Variants in PAK1IP1 observed in about 807,000 individuals in gnomAD.
PAK1IP1 encodes PAK1 interacting protein 1.
Under a neutral mutation model 42.0 loss-of-function variants are expected in PAK1IP1, and 24 were observed. The observed-to-expected ratio is 0.57, with a 90% CI of 0.41 to 0.80. The LOEUF (loss-of-function observed/expected upper bound fraction) is 0.80, where lower values mean the gene tolerates loss of function less well. Among genes scored for constraint, PAK1IP1 ranks in the 30% least tolerant of loss-of-function variants. The pLI is 0.00. For missense variants in PAK1IP1, 411 were observed against 467.9 expected (o/e 0.88, Z 1.12); for synonymous variants, 154 against 156.7 (o/e 0.98, Z 0.13).
At chr6:10,698,653 C>G (rs1035252815) in intron 2 of PAK1IP1, among the ~76,000 whole-genome samples, 1 of 152,146 alleles carries the variant, frequency 6.6e-6, no homozygotes, top group Non-Finnish European at 1.5e-5. Context: ...GAGGAAAGTA[C>G]TGCCAGTTTG....
chr6:10,694,591 A>T, upstream of PAK1IP1: 1 of 180,120 alleles, frequency 5.6e-6, no homozygotes, highest in Non-Finnish European at 1.2e-5. Flanking sequence ...CCGGCGCTAC[A>T]GCCCCTAAGC....
At chr6:10,703,649 T>A (rs1375738589) in intron 5 of PAK1IP1, among the ~76,000 whole-genome samples, 192 bp downstream of exon 5, 1 of 152,202 alleles carries the variant, frequency 6.6e-6, no homozygotes, top group African/African-American at 2.4e-5. Flanking sequence ...AAAATTACCT[T>A]CCGGCTAGGT....
chr6:10,702,328 TA>T, intron 2 of PAK1IP1, 40 bp from the exon 3 acceptor site: 1 of 1,555,162 alleles, frequency 6.4e-7, no homozygotes. Flanking sequence ...AGTTTGCATT[TA>T]AAATGAATAT....
intron 5 of PAK1IP1, among the ~76,000 whole-genome samples, chr6:10,704,017 A>T (rs993815292): frequency 4.0e-5 from 6 of 151,262 alleles, no homozygotes; most frequent in African/African-American, 1.5e-4. Context: ...TTTATTTTAT[A>T]TTTTTTATTT....
chr6:10,692,719 G>A (rs1769446799), upstream of PAK1IP1, among the ~76,000 whole-genome samples: 3 of 152,216 alleles, frequency 2.0e-5, no homozygotes, highest in South Asian at 6.2e-4. Flanking sequence ...ACTGCGTCTG[G>A]CCATTTTATT....
intron 2 of PAK1IP1, 106 bp from the exon 3 acceptor site, chr6:10,702,263 A>G (rs1185983776): frequency 1.1e-6 from 1 of 902,178 alleles, no homozygotes; most frequent in Non-Finnish European, 1.7e-6. Context: ...AAGAAAAAGA[A>G]AAAAAGGTAT....
At chr6:10,691,316 C>T (rs1769279820), upstream of PAK1IP1, among the ~76,000 whole-genome samples, 1 of 152,110 alleles carries the variant, frequency 6.6e-6, no homozygotes, top group Non-Finnish European at 1.5e-5. Flanking sequence ...ACCAAGCTCC[C>T]CAAGTGAGTA....
chr6:10,707,526 A>G lies in PAK1IP1; in HGVS notation c.840+12A>G. On this transcript the variant is annotated intron_variant, in intron 8 of 9. Coordinates refer to ENST00000379568, the MANE Select transcript of PAK1IP1 (RefSeq NM_017906.3). ...TTAAGCAGGATAAGGTCAGTGCTTC[A>G]ACACAATCTAAATGTACTTTAATAC... is the stretch of plus-strand genomic sequence containing the variant. 2.1e-6 allele frequency: 3 copies of G among 1,460,164 alleles called. No individual in the cohort carries two copies. The highest frequency in any genetic ancestry group is 2.9e-6 in the Non-Finnish European group (3 of 1,039,450). 90.5% of individuals were successfully genotyped at this position (1,460,164 alleles called of 1,614,324 possible). A position where few individuals can be genotyped will look rare whatever the true frequency, so the allele number is the denominator to read the frequency against.
Position 10,709,025 on chromosome 6 carries a change from A to G in PAK1IP1, c.913A>G (p.Lys305Glu). 6.2e-7 allele frequency: 1 copy of G among 1,613,298 alleles called. No homozygotes were observed. Among genetic ancestry groups the G allele is most frequent in the Non-Finnish European group, 8.5e-7 (1 of 1,179,234 alleles). The change falls in exon 9 of 10, where the codon AAA (lysine) becomes GAA (glutamate). Residue 305 changes from lysine to glutamate, a missense_variant. Transcript: ENST00000379568. ...GACGTGTCTTGGAGTGTGGCTAGAC[A>G]AAGTGGCAGACATGAAAGAAAGCCT... is the stretch of plus-strand genomic sequence containing the variant. ...RLTCLGVWLD[K>E]VADMKESLPP...
intron 1 of PAK1IP1, 81 bp downstream of exon 1, chr6:10,695,150 T>G (rs1769764376): frequency 1.2e-6 from 1 of 812,414 alleles, no homozygotes; most frequent in African/African-American, 1.7e-5. Context: ...GAGGTGAACA[T>G]TGGAGCGCCT....
chr6:10,707,344 G>C, intron 7 of PAK1IP1, 71 bp from the exon 8 acceptor site: 1 of 881,106 alleles, frequency 1.1e-6, no homozygotes, highest in South Asian at 1.4e-5. Flanking sequence ...TAGTCTTTGT[G>C]TGTAATTTTA....
upstream of PAK1IP1, among the ~76,000 whole-genome samples, chr6:10,692,972 CAA>C (rs1769479158): frequency 1.3e-5 from 2 of 152,352 alleles, no homozygotes; most frequent in African/African-American, 4.8e-5. Flanking sequence ...GTTGCCTCTT[CAA>C]AGTTTCCCTT....
chr6:10,696,537 C>T (rs1447842109), intron 1 of PAK1IP1, among the ~76,000 whole-genome samples: 3 of 152,174 alleles, frequency 2.0e-5, no homozygotes, highest in African/African-American at 7.2e-5. Flanking sequence ...CTTCCTAATG[C>T]TATTGTCACA....
At chr6:10,692,102 A>T (rs897526096), upstream of PAK1IP1, among the ~76,000 whole-genome samples, 27 of 152,348 alleles carry the variant, frequency 1.8e-4, no homozygotes, top group African/African-American at 5.5e-4. Flanking sequence ...GAGACAGGGC[A>T]CCAGGGACAT....
intron 1 of PAK1IP1, among the ~76,000 whole-genome samples, chr6:10,696,563 A>G (rs1769863545): frequency 6.6e-6 from 1 of 152,224 alleles, no homozygotes; most frequent in African/African-American, 2.4e-5. Context: ...ATAAGCACAG[A>G]GTTCCTGAGA....
Sources: allele counts gnomAD v4.1 joint callset (sites outside exome capture counted in the v4.1 genomes callset), GRCh38; gene constraint gnomAD v4.1.1; transcripts MANE v1.5; gene names NCBI Gene and HGNC (gene_info 2026-07-23, HGNC 2026-07-21).